Variants in PEX14 observed in about 807,000 individuals in gnomAD.
The protein encoded by PEX14 is peroxisomal biogenesis factor 14, also known as peroxisomal membrane protein PEX14.
In PEX14, 15 loss-of-function variants were observed where a neutral mutation model predicts 49.5. The ratio of observed to expected loss-of-function variants is 0.30; its 90% CI spans 0.20 to 0.47. The LOEUF (loss-of-function observed/expected upper bound fraction) is 0.47, where lower values mean the gene tolerates loss of function less well. Ranked by LOEUF, PEX14 falls within the 20% of genes least tolerant of loss-of-function variation. The pLI, the probability that PEX14 is intolerant of heterozygous loss-of-function variation, is 1.00. For synonymous variants in PEX14, 210 were observed against 212.7 expected, an observed-to-expected ratio of 0.99 and a Z score of 0.11; for missense variants, 398 against 494.8, an observed-to-expected ratio of 0.80 and a Z score of 1.86.
intron 2 of PEX14, among the ~76,000 whole-genome samples, chr1:10,508,004 C>T (rs1176573665): frequency 2.6e-5 from 4 of 152,146 alleles, no homozygotes; most frequent in African/African-American, 9.7e-5. Context: ...TGAAACTTTC[C>T]CCCATGGGCA....
chr1:10,607,434 G>A (rs1641158934), intron 4 of PEX14, among the ~76,000 whole-genome samples: 2 of 152,200 alleles, frequency 1.3e-5, no homozygotes, highest in African/African-American at 4.8e-5. Context: ...TATATGTTAA[G>A]TGTATGTTTA....
intron 3 of PEX14, among the ~76,000 whole-genome samples, chr1:10,573,143 T>G (rs1314181605): frequency 6.6e-6 from 1 of 152,258 alleles, no homozygotes; most frequent in East Asian, 1.9e-4. Flanking sequence ...CTTATGGGAC[T>G]ACCATCGCAT....
chr1:10,495,358 A>G lies in PEX14; in HGVS notation c.84+37A>G, dbSNP rs775746972. On this transcript the variant is annotated intron_variant, in intron 2 of 8. Transcript: ENST00000356607. The surrounding 1 kb of genome is among the most constrained non-coding windows in gnomAD (Gnocchi z 4.2). ...AGATATGTGGTATCACTTTCTAGTAATTAAAATGCCACGCGAGTGAAAAGA... is the reference window on the plus strand; with the variant it reads ...AGATATGTGGTATCACTTTCTAGTAGTTAAAATGCCACGCGAGTGAAAAGA... 16 of 1,542,846 alleles carry G rather than the reference A, an allele frequency of 1.0e-5. No individual in the cohort carries two copies. The East Asian group carries it at 2.7e-4, about 26-fold the overall frequency.
rs1457786938 is a variant in PEX14, at chr1:10,629,298, G to A, written c.678-233G>A. Among the ~76,000 whole-genome samples the A allele has an allele frequency of 6.6e-6, 1 of 152,178 alleles. No homozygotes were observed. Among genetic ancestry groups the A allele is most frequent in the Admixed American group, 6.5e-5 (1 of 15,284 alleles). The stretch of plus-strand genomic sequence containing the variant: ...TGGGCCTTGCCCAGGGTGGGGGCCC[G>A]GGGGGACCCTGGGCTGTCTGTGGGG... On this transcript the variant is annotated intron_variant, in intron 8 of 8. Transcript: ENST00000356607. This position sits in a 1 kb window ranked among gnomAD's most constrained non-coding sequence, Gnocchi z 8.5.
At chr1:10,571,164 G>A (rs941681692) in intron 3 of PEX14, among the ~76,000 whole-genome samples, 3 of 151,802 alleles carry the variant, frequency 2.0e-5, no homozygotes, top group Admixed American at 6.6e-5. Flanking sequence ...GCCTTCAACA[G>A]TTGTTTTGAC....
At chr1:10,511,986 G>C (rs542777792) in intron 2 of PEX14, among the ~76,000 whole-genome samples, 13 of 152,108 alleles carry the variant, frequency 8.5e-5, no homozygotes, top group Non-Finnish European at 1.8e-4. Context: ...TTGAGACGGA[G>C]TCTTGCTCTG....
chr1:10,515,737 G>A (rs1241069613), intron 2 of PEX14, among the ~76,000 whole-genome samples: 24 of 152,114 alleles, frequency 1.6e-4, no homozygotes, highest in Admixed American at 1.6e-3. Context: ...CCCGGCTCTG[G>A]CTGCTTGTCT....
intron 1 of PEX14, among the ~76,000 whole-genome samples, chr1:10,479,424 A>G (rs534983237): frequency 1.3e-5 from 2 of 152,248 alleles, no homozygotes; most frequent in South Asian, 4.1e-4. Context: ...GATTATAAGC[A>G]TGAGCCACCA....
chr1:10,596,164 C>G (rs1212653226), intron 3 of PEX14, among the ~76,000 whole-genome samples: 3 of 152,184 alleles, frequency 2.0e-5, no homozygotes, highest in Non-Finnish European at 4.4e-5. Flanking sequence ...CTCAGTCTCC[C>G]TAAGTTCCAA....
chr1:10,551,353 A>C (rs2124510866), intron 3 of PEX14, among the ~76,000 whole-genome samples: 1 of 152,256 alleles, frequency 6.6e-6, no homozygotes, highest in Non-Finnish European at 1.5e-5. Context: ...CTTTCTCCTG[A>C]GCTTCCGTGC....
Position 10,615,040 on chromosome 1 carries a change from G to C in PEX14, c.299-3292G>C, listed in dbSNP as rs284240. On this transcript the variant is annotated intron_variant, in intron 4 of 8. Transcript: ENST00000356607. ...TGTATAACGAGAGGTGATTTGTGTCGGGTGGGGGTGTCCACCATCAGTGAA... is the reference window on the plus strand; with the variant it reads ...TGTATAACGAGAGGTGATTTGTGTCCGGTGGGGGTGTCCACCATCAGTGAA... 8.3e-3 allele frequency among the ~76,000 whole-genome samples: 1,266 copies of C among 152,264 alleles called. 11 individuals are homozygous for C. The highest frequency in any genetic ancestry group is 0.028 in the African/African-American group (1,169 of 41,536).
At position 10,492,789 on chromosome 1, in the gene PEX14, G is replaced by A. The variant is rs567007391; in HGVS notation, c.37-2485G>A. On this transcript the variant is annotated intron_variant, in intron 1 of 8. Transcript: ENST00000356607. ...GCCTGGCACTGTCCTAGCCCCCAGG[G>A]ATACAGTGATAAGCAAACACAGGCA... is the stretch of plus-strand genomic sequence containing the variant. 6.6e-5 allele frequency among the ~76,000 whole-genome samples: 10 copies of A among 152,332 alleles called. 1 individual carries two copies. The highest frequency in any genetic ancestry group is 2.2e-4 in the African/African-American group (9 of 41,564).
chr1:10,602,499 A>G (rs746785907), intron 4 of PEX14, among the ~76,000 whole-genome samples: 3 of 152,140 alleles, frequency 2.0e-5, no homozygotes, highest in African/African-American at 7.2e-5. Flanking sequence ...CTGATAAATG[A>G]CATTTGAATT....
intron 3 of PEX14, among the ~76,000 whole-genome samples, chr1:10,556,730 G>T (rs1639501623): frequency 6.6e-6 from 1 of 152,142 alleles, no homozygotes; most frequent in African/African-American, 2.4e-5. Flanking sequence ...ACTTTAAAGA[G>T]CTGATGAGCC....
At chr1:10,580,975 C>CT (rs1640298897) in intron 3 of PEX14, among the ~76,000 whole-genome samples, 1 of 152,052 alleles carries the variant, frequency 6.6e-6, no homozygotes, top group African/African-American at 2.4e-5. Flanking sequence ...CATAAGCCAC[C>CT]TTTTTTTCTA....
chr1:10,486,360 GTTTTTTT>G (rs201702205), intron 1 of PEX14, among the ~76,000 whole-genome samples: 1 of 124,130 alleles, frequency 8.1e-6, no homozygotes, highest in African/African-American at 2.9e-5. Flanking sequence ...AGTTTGCTGA[GTTTTTTT>G]TTTTTTTTTT....
intron 1 of PEX14, among the ~76,000 whole-genome samples, chr1:10,485,837 C>G (rs1641358196): frequency 4.0e-5 from 6 of 150,308 alleles, no homozygotes; most frequent in Admixed American, 3.3e-4. Flanking sequence ...CGCACTGCAA[C>G]CCCCGCCTCC....
intron 2 of PEX14, among the ~76,000 whole-genome samples, chr1:10,505,161 T>C (rs1387600615): frequency 6.6e-6 from 1 of 152,162 alleles, no homozygotes; most frequent in Admixed American, 6.5e-5. Flanking sequence ...AGAAGGAGAA[T>C]AAAGAACAGG....
At chr1:10,524,127 T>C (rs1042095697) in intron 2 of PEX14, among the ~76,000 whole-genome samples, 7 of 152,182 alleles carry the variant, frequency 4.6e-5, no homozygotes, top group Non-Finnish European at 7.3e-5. Flanking sequence ...GCGTTTTTGC[T>C]TCAACATTAT....
Sources: gnomAD v4.1 joint callset for allele counts (sites outside exome capture counted in the v4.1 genomes callset) on GRCh38, gnomAD v4.1.1 for gene constraint, Gnocchi (gnomAD v3.1) non-coding constraint, MANE v1.5 for transcripts, NCBI Gene and HGNC (gene_info 2026-07-23, HGNC 2026-07-21) for gene names.